KCNH8: variants seen among roughly 807,000 people sequenced by gnomAD.
KCNH8 encodes the protein potassium voltage-gated channel subfamily H member 8, also known as voltage-gated delayed rectifier potassium channel KCNH8.
In KCNH8, 70 loss-of-function variants were observed where a neutral mutation model predicts 103.6. That is an observed-to-expected ratio of 0.68 (90% CI 0.56 to 0.82). The LOEUF is 0.82. Ranked by LOEUF, KCNH8 falls within the 40% of genes least tolerant of loss-of-function variation. KCNH8 has a pLI of 0.00. For missense variants in KCNH8, 1,217 were observed against 1,329.9 expected, an observed-to-expected ratio of 0.92 and a Z score of 1.32; for synonymous variants, 498 against 489.4, an observed-to-expected ratio of 1.02 and a Z score of -0.23.
intron 1 of KCNH8, among the ~76,000 whole-genome samples, chr3:19,172,316 A>G (rs540774298): frequency 1.8e-4 from 28 of 152,324 alleles, no homozygotes; most frequent in African/African-American, 6.5e-4. Context: ...TCTCTTCTCC[A>G]TAAGAATACA....
At chr3:19,307,210 GAAAAA>G (rs568289353) in intron 3 of KCNH8, among the ~76,000 whole-genome samples, 2 of 147,340 alleles carry the variant, frequency 1.4e-5, no homozygotes, top group South Asian at 2.1e-4. Flanking sequence ...CAAAACAAAA[GAAAAA>G]AAAAGCAATC....
At chr3:19,490,916 T>C (rs2068306611) in intron 11 of KCNH8, among the ~76,000 whole-genome samples, 2 of 152,334 alleles carry the variant, frequency 1.3e-5, no homozygotes, top group Admixed American at 1.3e-4. Context: ...AGACATTCTG[T>C]TCTTTGACAA....
intron 5 of KCNH8, among the ~76,000 whole-genome samples, chr3:19,352,715 C>T (rs2065821195): frequency 6.6e-6 from 1 of 152,174 alleles, no homozygotes. Context: ...ACCAGAATCT[C>T]TGGGACACAT....
At chr3:19,173,652 C>T (rs2063370065) in intron 1 of KCNH8, among the ~76,000 whole-genome samples, 1 of 151,848 alleles carries the variant, frequency 6.6e-6, no homozygotes, top group African/African-American at 2.4e-5. Flanking sequence ...ACACACACAT[C>T]CACAAATAAA....
intron 12 of KCNH8, among the ~76,000 whole-genome samples, chr3:19,512,580 C>T (rs2068800821): frequency 1.3e-5 from 2 of 152,116 alleles, no homozygotes; most frequent in Non-Finnish European, 2.9e-5. Context: ...AGGCCTAAGA[C>T]CCTCCATTAA....
At chr3:19,405,518 T>C (rs893854213) in intron 7 of KCNH8, among the ~76,000 whole-genome samples, 16 of 151,952 alleles carry the variant, frequency 1.1e-4, no homozygotes, top group Non-Finnish European at 1.9e-4. Context: ...TTATTAAATA[T>C]GTGCTGTAAC....
chr3:19,331,139 A>AT (rs570903366), intron 3 of KCNH8, among the ~76,000 whole-genome samples: 68 of 151,754 alleles, frequency 4.5e-4, no homozygotes, highest in African/African-American at 1.6e-3. Flanking sequence ...TTTTTTTGAG[A>AT]TTTTTTCTTA....
At position 19,347,726 on chromosome 3, in the gene KCNH8, A is replaced by G. The variant is rs1187965561; in HGVS notation, c.572A>G (p.Asn191Ser). 2 of 1,612,550 alleles carry G rather than the reference A, an allele frequency of 1.2e-6. No homozygotes were observed. Among genetic ancestry groups the G allele is most frequent in the Non-Finnish European group, 1.7e-6 (2 of 1,179,142 alleles). ...REKNKLKINN[N>S]VFVDKPAFPE... ...TCTCCTTTTTGTCTTCATCCACAGA[A>G]TGTTTTTGTAGATAAACCAGCATTT... The change falls in exon 5 of 16, where the codon AAT becomes AGT. Residue 191 changes from asparagine to serine, a missense_variant and splice_region_variant. This residue lies in a region of KCNH8 where 244 missense variants were observed against 256.8 expected (regional missense o/e 0.95). Coordinates refer to ENST00000328405, the MANE Select transcript of KCNH8 (RefSeq NM_144633.3).
At chr3:19,325,388 T>C (rs1575528288) in intron 3 of KCNH8, among the ~76,000 whole-genome samples, 1 of 152,104 alleles carries the variant, frequency 6.6e-6, no homozygotes, top group Non-Finnish European at 1.5e-5. Flanking sequence ...ACACTGTCAA[T>C]AGAGTAGAAA....
At chr3:19,232,117 G>T (rs1291935522) in intron 1 of KCNH8, among the ~76,000 whole-genome samples, 1 of 152,162 alleles carries the variant, frequency 6.6e-6, no homozygotes, top group Non-Finnish European at 1.5e-5. Flanking sequence ...ACAGGAATTA[G>T]TGTTTTTTTC....
At chr3:19,221,128 G>GAATGCA (rs1261506125) in intron 1 of KCNH8, among the ~76,000 whole-genome samples, 67 of 152,358 alleles carry the variant, frequency 4.4e-4, no homozygotes, top group African/African-American at 1.6e-3. Context: ...GATAAGTTGA[G>GAATGCA]AATGCATTTA....
intron 5 of KCNH8, among the ~76,000 whole-genome samples, chr3:19,351,800 C>T (rs2065806299): frequency 2.6e-5 from 4 of 152,096 alleles, no homozygotes. Context: ...TTGTAAAGAC[C>T]ATCGAGGCTG....
intron 3 of KCNH8, among the ~76,000 whole-genome samples, chr3:19,290,281 T>A (rs1265719391): frequency 6.6e-6 from 1 of 152,168 alleles, no homozygotes; most frequent in Non-Finnish European, 1.5e-5. Context: ...TCCAACACTA[T>A]GTTGAATAGG....
At chr3:19,256,706 A>G (rs1415738883) in intron 2 of KCNH8, among the ~76,000 whole-genome samples, 3 of 152,044 alleles carry the variant, frequency 2.0e-5, no homozygotes, top group Non-Finnish European at 4.4e-5. Context: ...GGTAGAAAGT[A>G]TGGCGTACAG....
intron 5 of KCNH8, among the ~76,000 whole-genome samples, chr3:19,376,753 T>C (rs2066213252): frequency 6.6e-6 from 1 of 152,198 alleles, no homozygotes; most frequent in African/African-American, 2.4e-5. Flanking sequence ...TTACATTGGA[T>C]AATCCAAAAA....
intron 11 of KCNH8, among the ~76,000 whole-genome samples, chr3:19,504,858 AT>A (rs2068660067): frequency 6.6e-6 from 1 of 152,044 alleles, no homozygotes; most frequent in African/African-American, 2.4e-5. Flanking sequence ...TTGTTCTACC[AT>A]AAAGACACAT....
chr3:19,152,285 TG>T (rs1359423323), intron 1 of KCNH8, among the ~76,000 whole-genome samples: 1 of 152,152 alleles, frequency 6.6e-6, no homozygotes, highest in East Asian at 1.9e-4. Context: ...TATATACCAA[TG>T]TATTTATATT....
At position 19,534,969 on chromosome 3, in the gene KCNH8, T is replaced by C. The variant is rs1347959244; in HGVS notation, c.*870T>C. ...TTGTTAATGAAATAAAAACATGGAC[T>C]GAGTGTCAACTACATGAGCTTTGGC... is the stretch of plus-strand genomic sequence containing the variant. On this transcript the variant is annotated 3_prime_UTR_variant, in exon 16 of 16. Transcript: ENST00000328405. 6.6e-6 allele frequency: 1 copy of C among 152,234 alleles called. No homozygotes were observed. Among genetic ancestry groups the C allele is most frequent in the Non-Finnish European group, 1.5e-5 (1 of 68,042 alleles). The allele number at this position is 152,234 out of a possible 1,614,324, so 9.4% of individuals were successfully genotyped here. A position where few individuals can be genotyped will look rare whatever the true frequency, so the allele number is the denominator to read the frequency against.
chr3:19,382,467 C>A (rs2066300782), intron 5 of KCNH8, among the ~76,000 whole-genome samples: 1 of 152,082 alleles, frequency 6.6e-6, no homozygotes, highest in Non-Finnish European at 1.5e-5. Context: ...TTAAACAATT[C>A]CTCTCACAAA....
Sources: gnomAD v4.1 joint callset for allele counts (sites outside exome capture counted in the v4.1 genomes callset) on GRCh38, gnomAD v4.1.1 for gene constraint, gnomAD v4.1.1 regional missense constraint, MANE v1.5 for transcripts, NCBI Gene and HGNC (gene_info 2026-07-23, HGNC 2026-07-21) for gene names.